SLC8A1: variants seen among roughly 807,000 people sequenced by gnomAD.
The protein encoded by SLC8A1 is solute carrier family 8 member A1.
In SLC8A1, 18 loss-of-function variants were observed where a neutral mutation model predicts 68.3. That is an observed-to-expected ratio of 0.26 (90% CI 0.18 to 0.39). SLC8A1 has a LOEUF of 0.39. Ranked by LOEUF, SLC8A1 falls within the 10% of genes least tolerant of loss-of-function variation. SLC8A1 has a pLI of 1.00. For missense variants in SLC8A1, 985 were observed against 1,156.7 expected (o/e 0.85, Z 2.15); for synonymous variants, 475 against 415.5 (o/e 1.14, Z -1.74).
At chr2:40,447,468 C>T (rs1390885273) in intron 1 of SLC8A1, among the ~76,000 whole-genome samples, 1 of 151,924 alleles carries the variant, frequency 6.6e-6, no homozygotes, top group Non-Finnish European at 1.5e-5. Context: ...CCAAAATGGC[C>T]CTGAGTGCAC....
chr2:40,213,886 C>T (rs2057027595), intron 2 of SLC8A1, among the ~76,000 whole-genome samples: 1 of 152,130 alleles, frequency 6.6e-6, no homozygotes, highest in Admixed American at 6.5e-5. Flanking sequence ...GGCTAATTTC[C>T]AGAGACTTCA....
At chr2:40,476,400 G>T (rs753035076) in intron 1 of SLC8A1, among the ~76,000 whole-genome samples, 12 of 152,184 alleles carry the variant, frequency 7.9e-5, no homozygotes, top group Non-Finnish European at 1.5e-4. Context: ...TTAGCCTTCA[G>T]CTGGGAAAGA....
chr2:40,252,118 T>G (rs1004923481), intron 2 of SLC8A1, among the ~76,000 whole-genome samples: 5 of 152,186 alleles, frequency 3.3e-5, no homozygotes, highest in Non-Finnish European at 7.3e-5. Flanking sequence ...TCTTTTAATT[T>G]TCATCTCCAA....
At chr2:40,484,422 G>T (rs1192176110) in intron 1 of SLC8A1, among the ~76,000 whole-genome samples, 4 of 152,204 alleles carry the variant, frequency 2.6e-5, no homozygotes, top group Non-Finnish European at 5.9e-5. Flanking sequence ...CAAGCCTGCT[G>T]CTCCACTCTT....
intron 2 of SLC8A1, among the ~76,000 whole-genome samples, chr2:40,376,057 G>A (rs1251491617): frequency 6.6e-6 from 1 of 152,046 alleles, no homozygotes; most frequent in East Asian, 1.9e-4. Context: ...TTTTTCAACA[G>A]TATATTTAGA....
At chr2:40,138,978 C>G (rs145871554) in intron 7 of SLC8A1, among the ~76,000 whole-genome samples, 3 of 152,250 alleles carry the variant, frequency 2.0e-5, no homozygotes, top group East Asian at 3.9e-4. Flanking sequence ...AGTACGTTTT[C>G]CTAGTTACCT....
chr2:40,396,923 G>A (rs1207207699), intron 2 of SLC8A1, among the ~76,000 whole-genome samples: 1 of 152,208 alleles, frequency 6.6e-6, no homozygotes, highest in East Asian at 1.9e-4. Context: ...GTTAGGGGAG[G>A]TGGGCTTTGT....
chr2:40,478,879 C>T (rs773166098), intron 1 of SLC8A1, among the ~76,000 whole-genome samples: 2 of 151,776 alleles, frequency 1.3e-5, no homozygotes, highest in Non-Finnish European at 2.9e-5. Context: ...TCAAGCAATT[C>T]TCATGCCTCA....
At chr2:40,380,508 T>C (rs973109482) in intron 2 of SLC8A1, among the ~76,000 whole-genome samples, 3 of 152,106 alleles carry the variant, frequency 2.0e-5, no homozygotes, top group Admixed American at 6.5e-5. Flanking sequence ...CCAAGGACTA[T>C]GAGACAGATG....
intron 2 of SLC8A1, among the ~76,000 whole-genome samples, chr2:40,313,052 A>C (rs2073952256): frequency 1.3e-5 from 2 of 152,092 alleles, no homozygotes; most frequent in Non-Finnish European, 2.9e-5. Context: ...TGCCATAATC[A>C]AGGTAATAAA....
chr2:40,503,048 A>G (rs1247199217), intron 1 of SLC8A1, among the ~76,000 whole-genome samples: 3 of 151,990 alleles, frequency 2.0e-5, no homozygotes, highest in Non-Finnish European at 2.9e-5. Flanking sequence ...CTGTTTCTTG[A>G]TCTATTTGAT....
At chr2:40,217,351 T>A (rs2057656073) in intron 2 of SLC8A1, among the ~76,000 whole-genome samples, 1 of 152,194 alleles carries the variant, frequency 6.6e-6, no homozygotes, top group Non-Finnish European at 1.5e-5. Context: ...GGTTTATATA[T>A]CTGTTTTGGT....
intron 6 of SLC8A1, among the ~76,000 whole-genome samples, chr2:40,158,337 G>GC (rs1355174138): frequency 6.6e-6 from 1 of 152,136 alleles, no homozygotes; most frequent in Non-Finnish European, 1.5e-5. Context: ...TTTTGAAACT[G>GC]CCCTTCATGT....
intron 1 of SLC8A1, among the ~76,000 whole-genome samples, chr2:40,502,599 A>G (rs1239244931): frequency 2.0e-5 from 3 of 152,066 alleles, no homozygotes; most frequent in Non-Finnish European, 4.4e-5. Flanking sequence ...AAATATTTTT[A>G]TTCCTTTAGT....
chr2:40,128,772 AT>A (rs1323696182), intron 7 of SLC8A1, among the ~76,000 whole-genome samples: 2 of 152,246 alleles, frequency 1.3e-5, no homozygotes, highest in Non-Finnish European at 2.9e-5. Context: ...AGAACAAAAA[AT>A]ATCTCATGTA....
intron 2 of SLC8A1, among the ~76,000 whole-genome samples, chr2:40,370,098 A>G (rs988299780): frequency 2.6e-5 from 4 of 152,112 alleles, no homozygotes; most frequent in Non-Finnish European, 4.4e-5. Context: ...TCACATGTGT[A>G]AATTCTAGAT....
At chr2:40,419,150 C>T (rs899841572) in intron 2 of SLC8A1, among the ~76,000 whole-genome samples, 1 of 152,202 alleles carries the variant, frequency 6.6e-6, no homozygotes, top group African/African-American at 2.4e-5. Context: ...TTGCAAGGGG[C>T]TTGGCATGGG....
At chr2:40,254,344 G>A (rs1256250711) in intron 2 of SLC8A1, 1 of 147,846 alleles carries the variant, frequency 6.8e-6, no homozygotes, top group African/African-American at 2.6e-5. Context: ...CTGGCATATT[G>A]AATTAATAAC....
At chr2:40,409,501 C>T (rs1166982058) in intron 2 of SLC8A1, among the ~76,000 whole-genome samples, 1 of 152,100 alleles carries the variant, frequency 6.6e-6, no homozygotes, top group East Asian at 1.9e-4. Flanking sequence ...CAGAAACATT[C>T]ACACATAACA....
Sources: allele counts gnomAD v4.1 joint callset (sites outside exome capture counted in the v4.1 genomes callset), GRCh38; gene constraint gnomAD v4.1.1; transcripts MANE v1.5; gene names NCBI Gene and HGNC (gene_info 2026-07-23, HGNC 2026-07-21).